Variants in TAFA2 observed in about 807,000 individuals in gnomAD.
TAFA2 encodes chemokine-like protein TAFA-2.
TAFA2 carries 7 observed loss-of-function variants against 18.8 expected under a neutral mutation model. The observed-to-expected ratio is 0.37, with a 90% CI of 0.21 to 0.70. The LOEUF (loss-of-function observed/expected upper bound fraction) is 0.70, where lower values mean the gene tolerates loss of function less well. TAFA2 is among the 30% of genes least tolerant of loss of function. The pLI, the probability that TAFA2 is intolerant of heterozygous loss-of-function variation, is 0.53. For missense variants in TAFA2, 122 were observed against 158.1 expected (o/e 0.77, Z 1.23); for synonymous variants, 60 against 54.2 (o/e 1.11, Z -0.47).
At chr12:61,787,757 C>T (rs1195056183) in intron 2 of TAFA2, among the ~76,000 whole-genome samples, 2 of 151,424 alleles carry the variant, frequency 1.3e-5, no homozygotes, top group East Asian at 3.9e-4. Context: ...AATCACCAAA[C>T]CACAAAGGCA....
intron 1 of TAFA2, among the ~76,000 whole-genome samples, chr12:61,942,196 GAC>G (rs1878059323): frequency 6.9e-6 from 1 of 145,104 alleles, no homozygotes; most frequent in Admixed American, 6.8e-5. Flanking sequence ...GGGGCACACT[GAC>G]ACCTCACACG....
intron 1 of TAFA2, among the ~76,000 whole-genome samples, chr12:62,183,195 A>T (rs1170686945): frequency 1.3e-5 from 2 of 152,150 alleles, no homozygotes; most frequent in Non-Finnish European, 2.9e-5. Flanking sequence ...CATGAGAGAG[A>T]TGATACCTGT....
intron 2 of TAFA2, among the ~76,000 whole-genome samples, chr12:61,774,889 C>A (rs1314827487): frequency 1.3e-5 from 2 of 151,476 alleles, no homozygotes; most frequent in Non-Finnish European, 3.0e-5. Flanking sequence ...AAATGACAAC[C>A]ACAGACTGGG....
chr12:61,712,090 AAGAG>A (rs907481207), intron 4 of TAFA2, among the ~76,000 whole-genome samples: 10 of 151,784 alleles, frequency 6.6e-5, no homozygotes, highest in African/African-American at 2.4e-4. Flanking sequence ...TTGAGAGAGA[AAGAG>A]AGAGAGAGGA....
At chr12:61,776,794 T>C (rs1870281863) in intron 2 of TAFA2, among the ~76,000 whole-genome samples, 1 of 151,928 alleles carries the variant, frequency 6.6e-6, no homozygotes, top group African/African-American at 2.4e-5. Flanking sequence ...TTAACCGTGG[T>C]ATGTATACTA....
At chr12:61,869,611 A>G (rs1407781246) in intron 1 of TAFA2, among the ~76,000 whole-genome samples, 2 of 152,094 alleles carry the variant, frequency 1.3e-5, no homozygotes, top group Non-Finnish European at 2.9e-5. Flanking sequence ...TTTTAGAAAC[A>G]TTTTCCAAGA....
rs373486645 is a variant in TAFA2 at position 62,230,119 on chromosome 12, TTCTTAG to T, written c.-130+28638_-130+28643del. Among the ~76,000 whole-genome samples the T allele has an allele frequency of 4.6e-3, 705 of 152,254 alleles. 8 individuals carry two copies. Among genetic ancestry groups the T allele is most frequent in the African/African-American group, 0.017 (689 of 41,568 alleles). ...TTTATTTATTTGGGTCTAATTTTTT[TTCTTAG>T]TCTAGCTAAGGTTATGTTGGTTTTG... is the stretch of plus-strand genomic sequence containing the variant. On this transcript the variant is annotated intron_variant, in intron 1 of 5. Coordinates refer to the TAFA2 transcript ENST00000551619.
intron 2 of TAFA2, among the ~76,000 whole-genome samples, chr12:61,758,967 G>A (rs2120780743): frequency 6.6e-6 from 1 of 152,062 alleles, no homozygotes; most frequent in Middle Eastern, 3.4e-3. Flanking sequence ...AGAACATTAT[G>A]GTGGCTAGGG....
chr12:62,123,804 A>ACC (rs1870328583), intron 1 of TAFA2, among the ~76,000 whole-genome samples: 1 of 149,734 alleles, frequency 6.7e-6, no homozygotes, highest in Non-Finnish European at 1.5e-5. Context: ...ACACACACAC[A>ACC]CACACACACC....
At chr12:61,862,765 C>A (rs1874180418) in intron 2 of TAFA2, among the ~76,000 whole-genome samples, 1 of 152,168 alleles carries the variant, frequency 6.6e-6, no homozygotes, top group African/African-American at 2.4e-5. Context: ...TCCCTGAATA[C>A]TCCACTGGCT....
rs532272771 is a variant in TAFA2, at chr12:62,190,249, T to C, written c.-2+1010A>G. On this transcript the variant is annotated intron_variant, in intron 1 of 4. Coordinates refer to ENST00000416284, the MANE Select transcript of TAFA2 (RefSeq NM_178539.5). The stretch of plus-strand genomic sequence containing the variant: ...CACCCAAAGGCTCTACGAGCGTCTA[T>C]GGTTCTTCCTTTTCAGACAGGATAA... Among the ~76,000 whole-genome samples the C allele has an allele frequency of 7.2e-5, 11 of 152,272 alleles. No homozygotes were observed. In the East Asian group the frequency reaches 1.7e-3, roughly 24 times the overall value.
chr12:62,195,317 C>G (rs1240714171), upstream of TAFA2, among the ~76,000 whole-genome samples: 1 of 152,148 alleles, frequency 6.6e-6, no homozygotes, highest in Non-Finnish European at 1.5e-5. Context: ...GCATCTTCAC[C>G]ATGAGTAAAT....
intron 1 of TAFA2, among the ~76,000 whole-genome samples, chr12:61,886,199 A>C (rs1875369404): frequency 6.6e-6 from 1 of 152,146 alleles, no homozygotes; most frequent in African/African-American, 2.4e-5. Flanking sequence ...TAAAATTCAG[A>C]ATAAAAAATT....
chr12:61,764,229 T>TAGACAGA, intron 2 of TAFA2, among the ~76,000 whole-genome samples: 1 of 102,176 alleles, frequency 9.8e-6, no homozygotes, highest in Admixed American at 9.7e-5. Flanking sequence ...AGATGATTGA[T>TAGACAGA]TGATAGATAG....
intron 1 of TAFA2, among the ~76,000 whole-genome samples, chr12:62,092,547 GA>G (rs745434191): frequency 6.6e-5 from 10 of 151,964 alleles, no homozygotes; most frequent in African/African-American, 2.2e-4. Flanking sequence ...ATCCTCATTT[GA>G]CTTCTAGAAT....
chr12:61,917,106 G>A (rs1876851949), intron 1 of TAFA2, among the ~76,000 whole-genome samples: 1 of 152,194 alleles, frequency 6.6e-6, no homozygotes, highest in Non-Finnish European at 1.5e-5. Context: ...GGGAAATGAA[G>A]ATGACTGTTC....
chr12:62,095,963 A>C (rs1392889594), intron 1 of TAFA2, among the ~76,000 whole-genome samples: 1 of 152,126 alleles, frequency 6.6e-6, no homozygotes, highest in African/African-American at 2.4e-5. Context: ...AGAATGCTAC[A>C]GGTCTGGTTC....
chr12:61,761,567 T>G (rs1367951400), intron 2 of TAFA2, among the ~76,000 whole-genome samples: 5 of 152,208 alleles, frequency 3.3e-5, no homozygotes, highest in African/African-American at 1.2e-4. Context: ...TAATGGTGAT[T>G]GCTAACATTG....
intron 4 of TAFA2, among the ~76,000 whole-genome samples, chr12:61,739,780 C>T (rs1176146207): frequency 1.3e-5 from 2 of 151,984 alleles, no homozygotes; most frequent in Non-Finnish European, 2.9e-5. Flanking sequence ...CATTTGCCTT[C>T]GGTAATCTCA....
Sources: gnomAD v4.1 joint callset for allele counts (sites outside exome capture counted in the v4.1 genomes callset) on GRCh38, gnomAD v4.1.1 for gene constraint, MANE v1.5 for transcripts, NCBI Gene and HGNC (gene_info 2026-07-23, HGNC 2026-07-21) for gene names.